Variants in SNX29 observed in about 807,000 individuals in gnomAD.
The protein encoded by SNX29 is sorting nexin-29.
Under a neutral mutation model 102.1 loss-of-function variants are expected in SNX29, and 78 were observed. The observed-to-expected ratio is 0.76, with a 90% CI of 0.64 to 0.92. The LOEUF is 0.92. SNX29 is among the 40% of genes least tolerant of loss of function. SNX29 has a pLI of 0.00. For missense variants in SNX29, 1,280 were observed against 1,061.7 expected (o/e 1.21, Z -2.86); for synonymous variants, 580 against 414.5 (o/e 1.40, Z -4.85).
At chr16:12,291,761 T>C (rs113984889) in intron 15 of SNX29, among the ~76,000 whole-genome samples, 4,896 of 152,126 alleles carry the variant, frequency 0.032, 123 homozygotes, top group Admixed American at 0.063. Context: ...AGAAGGGAGA[T>C]TGGGGAGAGG....
At chr16:12,241,707 C>T (rs530818087) in intron 14 of SNX29, among the ~76,000 whole-genome samples, 23 of 152,322 alleles carry the variant, frequency 1.5e-4, no homozygotes, top group Non-Finnish European at 2.8e-4. Flanking sequence ...AGTGATCCGC[C>T]TGCCTTGGCC....
rs944242585 is a variant in SNX29 at position 12,098,245 on chromosome 16, A to C, written c.1402+19330A>C. On this transcript the variant is annotated intron_variant, in intron 11 of 20. Coordinates refer to ENST00000566228, the MANE Select transcript of SNX29 (RefSeq NM_032167.5). This position sits in a 1 kb window ranked among gnomAD's most constrained non-coding sequence, Gnocchi z 6.0. ...TAGACCTTAAATATTAATGTTAAAA[A>C]TTTGTATTTAAATTTTTGTTTTGCA... 3.9e-5 allele frequency among the ~76,000 whole-genome samples: 6 copies of C among 152,064 alleles called. No homozygotes were observed. The highest frequency in any genetic ancestry group is 1.4e-4 in the African/African-American group (6 of 41,408).
At chr16:12,198,471 A>G (rs914721520) in intron 13 of SNX29, among the ~76,000 whole-genome samples, 1 of 152,154 alleles carries the variant, frequency 6.6e-6, no homozygotes, top group Non-Finnish European at 1.5e-5. Flanking sequence ...TATTTTTATA[A>G]TCACAGAAAA....
intron 13 of SNX29, among the ~76,000 whole-genome samples, chr16:12,138,159 A>G (rs1321573498): frequency 6.6e-6 from 1 of 152,044 alleles, no homozygotes; most frequent in East Asian, 1.9e-4. Context: ...CCCCAGGCCA[A>G]GATGGCAGCA....
chr16:12,533,723 A>G lies in SNX29; in HGVS notation c.2318+8882A>G, dbSNP rs74009127. ...TGCCTTGGCAAACTCAGGTGCCTGTAGGTCTGGGTGGGTCATATAAGTGAA... is the reference window on the plus strand; with the variant it reads ...TGCCTTGGCAAACTCAGGTGCCTGTGGGTCTGGGTGGGTCATATAAGTGAA... On this transcript the variant is annotated intron_variant, in intron 20 of 20. Transcript: ENST00000566228. Among the ~76,000 whole-genome samples the G allele has an allele frequency of 2.0e-3, 300 of 152,266 alleles. 1 individual carries two copies. The highest frequency in any genetic ancestry group is 6.9e-3 in the African/African-American group (285 of 41,558).
At chr16:12,086,573 G>T (rs1413696010) in intron 11 of SNX29, among the ~76,000 whole-genome samples, 2 of 151,950 alleles carry the variant, frequency 1.3e-5, no homozygotes, top group Non-Finnish European at 2.9e-5. Flanking sequence ...ACCCCGCCCG[G>T]CTGTGTTTTA....
intron 20 of SNX29, among the ~76,000 whole-genome samples, chr16:12,562,267 C>A (rs1277849712): frequency 6.6e-6 from 1 of 152,194 alleles, no homozygotes; most frequent in African/African-American, 2.4e-5. Flanking sequence ...GCAGCATCCC[C>A]ATGGGCCACG....
chr16:12,506,299 G>A (rs1292478029), intron 19 of SNX29, among the ~76,000 whole-genome samples: 1 of 152,090 alleles, frequency 6.6e-6, no homozygotes, highest in African/African-American at 2.4e-5. Context: ...GTATCCAGGG[G>A]GACAACACCC....
rs374213643 is a variant in SNX29 at position 12,509,846 on chromosome 16, T to C, written c.2179-14856T>C. Among the ~76,000 whole-genome samples the C allele has an allele frequency of 4.9e-4, 75 of 152,354 alleles. 2 individuals are homozygous for C. In the South Asian group the frequency reaches 0.015, roughly 31 times the overall value. On this transcript the variant is annotated intron_variant, in intron 19 of 20. Transcript: ENST00000566228. ...CCAGCTCCTGGCATGCTGTCCTCAC[T>C]GGTCACTCTAAAGCCCTGTATTTAT...
rs138519812 is a variant in SNX29 at position 12,097,453 on chromosome 16, T to A, written c.1402+18538T>A. Among the ~76,000 whole-genome samples, 8 of 152,312 alleles carry A rather than the reference T, an allele frequency of 5.3e-5. No individual in the cohort carries two copies. In the East Asian group the frequency reaches 1.5e-3, roughly 29 times the overall value. On this transcript the variant is annotated intron_variant, in intron 11 of 20. Coordinates refer to ENST00000566228, the MANE Select transcript of SNX29 (RefSeq NM_032167.5). ...CTGGTTGTTCCCTGCCTCACCAGGC[T>A]CTCACTTGTCTGTGGTTAATGATCC... is the stretch of plus-strand genomic sequence containing the variant.
chr16:12,549,021 G>T (rs2077790906), intron 20 of SNX29, among the ~76,000 whole-genome samples: 1 of 152,240 alleles, frequency 6.6e-6, no homozygotes, highest in Non-Finnish European at 1.5e-5. Flanking sequence ...AGCATAAAAA[G>T]CTTGTGGAGT....
chr16:12,012,444 T>C (rs2056685410), intron 3 of SNX29, among the ~76,000 whole-genome samples: 1 of 152,158 alleles, frequency 6.6e-6, no homozygotes, highest in Admixed American at 6.6e-5. Flanking sequence ...GTTTTGCTTT[T>C]GTTGTCCAGG....
chr16:12,387,845 G>A (rs2083390542), intron 16 of SNX29, among the ~76,000 whole-genome samples: 1 of 152,148 alleles, frequency 6.6e-6, no homozygotes, highest in African/African-American at 2.4e-5. Context: ...CATGCCTGAA[G>A]CAGCCTCTGG....
chr16:12,143,178 A>G (rs113626621), intron 13 of SNX29, among the ~76,000 whole-genome samples: 3,717 of 151,506 alleles, frequency 0.025, 163 homozygotes, highest in African/African-American at 0.087. Flanking sequence ...TTATATTTTT[A>G]GTAGAGGTGG....
intron 19 of SNX29, among the ~76,000 whole-genome samples, chr16:12,521,782 G>A (rs1490993595): frequency 1.3e-5 from 2 of 152,232 alleles, no homozygotes; most frequent in Non-Finnish European, 2.9e-5. Flanking sequence ...GGCAACCAAG[G>A]AGCAGAACCA....
intron 11 of SNX29, among the ~76,000 whole-genome samples, chr16:12,114,060 TATA>T (rs1596937160): frequency 1.3e-5 from 2 of 152,334 alleles, no homozygotes; most frequent in East Asian, 3.9e-4. Flanking sequence ...TGTCTTTGCT[TATA>T]ATGTCATTTT....
At chr16:12,082,818 G>C (rs987375633) in intron 11 of SNX29, among the ~76,000 whole-genome samples, 7 of 152,088 alleles carry the variant, frequency 4.6e-5, no homozygotes, top group Non-Finnish European at 1.0e-4. Flanking sequence ...ATGTCATCCA[G>C]CACAGATGAG....
intron 13 of SNX29, among the ~76,000 whole-genome samples, chr16:12,166,317 A>G (rs1242072083): frequency 6.6e-6 from 1 of 152,208 alleles, no homozygotes; most frequent in African/African-American, 2.4e-5. Context: ...CATGATGGGC[A>G]TTCAGAGCAG....
chr16:12,415,322 A>T (rs971594532), intron 18 of SNX29, among the ~76,000 whole-genome samples: 1 of 152,130 alleles, frequency 6.6e-6, no homozygotes, highest in African/African-American at 2.4e-5. Context: ...CTTGCTGCCC[A>T]CTCGGCAGGA....
Sources: gnomAD v4.1 joint callset for allele counts (sites outside exome capture counted in the v4.1 genomes callset) on GRCh38, gnomAD v4.1.1 for gene constraint, Gnocchi (gnomAD v3.1) non-coding constraint, MANE v1.5 for transcripts, NCBI Gene and HGNC (gene_info 2026-07-23, HGNC 2026-07-21) for gene names.